The following NME9 variants were observed in gnomAD, a reference collection of about 807,000 sequenced individuals.
NME9 encodes NME/NM23 family member 9.
A neutral mutation model predicts 44.4 loss-of-function variants in NME9; 48 were observed. The ratio of observed to expected loss-of-function variants is 1.08; its 90% confidence interval spans 0.86 to 1.37. The LOEUF is 1.37. Ranked by LOEUF, NME9 falls within the 40% of genes most tolerant of loss-of-function variation. The pLI, the probability that NME9 is intolerant of heterozygous loss-of-function variation, is 0.00. For missense variants in NME9, 325 were observed against 405.2 expected, an observed-to-expected ratio of 0.80 and a Z score of 1.70; for synonymous variants, 139 against 147.1, an observed-to-expected ratio of 0.94 and a Z score of 0.40.
intron 8 of NME9, chr3:138,290,660 G>C (rs2050847572): frequency 1.3e-6 from 2 of 1,532,488 alleles, no homozygotes; most frequent in Non-Finnish European, 1.8e-6. Context: ...ATGTGAAAAG[G>C]CCTTGCTTTG....
chr3:138,287,881 G>T, intron 8 of NME9: 1 of 288,002 alleles, frequency 3.5e-6, no homozygotes, highest in East Asian at 8.1e-5. Context: ...TGACCAATAG[G>T]ACAATCATCT....
intron 8 of NME9, among the ~76,000 whole-genome samples, chr3:138,292,316 A>G (rs953274864): frequency 1.3e-5 from 2 of 152,238 alleles, no homozygotes; most frequent in Non-Finnish European, 2.9e-5. Context: ...CTGGGATGAC[A>G]GGCGTGAGCC....
At chr3:138,275,830 A>G (rs1223678297) in intron 8 of NME9, among the ~76,000 whole-genome samples, 1 of 152,224 alleles carries the variant, frequency 6.6e-6, no homozygotes, top group Non-Finnish European at 1.5e-5. Context: ...ATTTTACGTG[A>G]TATCTCTTAA....
At chr3:138,299,395 C>T (rs991176809), downstream of NME9, among the ~76,000 whole-genome samples, 2 of 152,144 alleles carry the variant, frequency 1.3e-5, no homozygotes, top group Non-Finnish European at 2.9e-5. Flanking sequence ...CCTCGTCAGG[C>T]ACTCACACCC....
chr3:138,267,885 A>AT (rs1194029570), intron 8 of NME9, among the ~76,000 whole-genome samples: 4 of 152,252 alleles, frequency 2.6e-5, no homozygotes, highest in African/African-American at 9.6e-5. Context: ...TTTGTGTTGA[A>AT]TTTATTTGCT....
At chr3:138,262,365 A>G (rs1390087133) in exon 9 of NME9, 9 of 734,868 alleles carry the variant, frequency 1.2e-5, no homozygotes, top group East Asian at 5.1e-5. Flanking sequence ...AACACCAGAT[A>G]AAAATTACCA....
chr3:138,277,402 T>G (rs1195253657), intron 8 of NME9, among the ~76,000 whole-genome samples: 1 of 152,204 alleles, frequency 6.6e-6, no homozygotes, highest in Non-Finnish European at 1.5e-5. Flanking sequence ...GGTAAATTGG[T>G]CTTCATCAAA....
intron 5 of NME9, among the ~76,000 whole-genome samples, chr3:138,314,670 TAAG>T (rs2052945906): frequency 6.6e-6 from 1 of 152,162 alleles, no homozygotes. Flanking sequence ...AGATAGTTGA[TAAG>T]AAGACAAAGA....
downstream of NME9, among the ~76,000 whole-genome samples, chr3:138,299,403 C>G (rs949687957): frequency 6.6e-6 from 1 of 152,158 alleles, no homozygotes; most frequent in African/African-American, 2.4e-5. Flanking sequence ...GGCACTCACA[C>G]CCAGGAGCCG....
In NME9 at chr3:138,301,060, T is replaced by C. The variant is rs1317342744; in HGVS notation, c.*580A>G. The C allele has an allele frequency of 3.1e-6, 3 of 976,306 alleles. No homozygotes were observed. The East Asian group carries it at 3.4e-4, about 111-fold the overall frequency. The allele number at this position is 976,306 out of a possible 1,614,324, so 60.5% of individuals were successfully genotyped here. A position where few individuals can be genotyped will look rare whatever the true frequency, so the allele number is the denominator to read the frequency against. ...CCATCTCATATAACCCAGTATCCTC[T>C]GAGATGACACTTATATCTCACAACA... On this transcript the variant is annotated 3_prime_UTR_variant, in exon 11 of 11. Coordinates refer to ENST00000333911, the MANE Select transcript of NME9 (RefSeq NM_001349018.2).
chr3:138,327,172 A>AC (rs2053850798), intron 1 of NME9: 1 of 151,850 alleles, frequency 6.6e-6, no homozygotes, highest in African/African-American at 2.4e-5. Context: ...AAAAAAAAAA[A>AC]AAAAGTCTCT....
chr3:138,280,246 A>G (rs1316487665), intron 8 of NME9, among the ~76,000 whole-genome samples: 1 of 131,298 alleles, frequency 7.6e-6, no homozygotes, highest in East Asian at 2.0e-4. Flanking sequence ...GAGGTTTAGC[A>G]AAGAATCAGT....
chr3:138,263,806 G>A (rs181951568), intron 8 of NME9: 16 of 1,613,894 alleles, frequency 9.9e-6, no homozygotes, highest in Admixed American at 5.0e-5. Context: ...GTCAAGGTGC[G>A]GTTAGCTGCC....
intron 6 of NME9, among the ~76,000 whole-genome samples, chr3:138,313,971 A>T (rs948411817): frequency 6.6e-6 from 1 of 152,220 alleles, no homozygotes; most frequent in Non-Finnish European, 1.5e-5. Context: ...AGACAGAAGA[A>T]ATCAGACCTG....
At chr3:138,299,746 A>G (rs2051743599), downstream of NME9, among the ~76,000 whole-genome samples, 1 of 151,916 alleles carries the variant, frequency 6.6e-6, no homozygotes, top group South Asian at 2.1e-4. Flanking sequence ...TACTTCATCC[A>G]TCACTGACAC....
intron 8 of NME9, chr3:138,263,585 C>G (rs1332936232): frequency 1.2e-5 from 8 of 689,514 alleles, no homozygotes; most frequent in Non-Finnish European, 2.1e-5. Flanking sequence ...TGATGAGCTG[C>G]CCGCCCCCAG....
downstream of NME9, chr3:138,297,933 T>G (rs1490937090): frequency 6.6e-6 from 1 of 152,236 alleles, no homozygotes; most frequent in African/African-American, 2.4e-5. Context: ...ATTAGAAAGC[T>G]GAAGGCCCAA....
chr3:138,314,485 C>T, intron 5 of NME9, 78 bp from the exon 6 acceptor site: 4 of 848,250 alleles, frequency 4.7e-6, no homozygotes, highest in Non-Finnish European at 7.5e-6. Flanking sequence ...CCTGTAGAAA[C>T]TAAAAAAAGC....
At chr3:138,300,891 T>TA (rs1188299161), downstream of NME9, 1 of 183,310 alleles carries the variant, frequency 5.5e-6, no homozygotes, top group Admixed American at 6.5e-5. Flanking sequence ...GAGGAAGCAT[T>TA]TGGAGCCTAT....
Sources: gnomAD v4.1 joint callset for allele counts (sites outside exome capture counted in the v4.1 genomes callset) on GRCh38, gnomAD v4.1.1 for gene constraint, MANE v1.5 for transcripts, NCBI Gene and HGNC (gene_info 2026-07-23, HGNC 2026-07-21) for gene names.